Variants in SLC38A1 observed in about 807,000 individuals in gnomAD.
The protein encoded by SLC38A1 is sodium-coupled neutral amino acid symporter 1.
SLC38A1 carries 18 observed loss-of-function variants against 60.3 expected under a neutral mutation model. The observed-to-expected ratio is 0.30, with a 90% CI of 0.21 to 0.44. The LOEUF is 0.44. Among genes scored for constraint, SLC38A1 ranks in the 20% least tolerant of loss-of-function variants. SLC38A1 has a pLI of 1.00. For missense variants in SLC38A1, 448 were observed against 587.2 expected, an observed-to-expected ratio of 0.76 and a Z score of 2.45; for synonymous variants, 196 against 212.1, an observed-to-expected ratio of 0.92 and a Z score of 0.66.
intron 3 of SLC38A1, among the ~76,000 whole-genome samples, chr12:46,230,317 G>T (rs1941026537): frequency 6.6e-6 from 1 of 152,234 alleles, no homozygotes; most frequent in South Asian, 2.1e-4. Context: ...CAGGAGTTCA[G>T]ACTAGGAAAT....
intron 16 of SLC38A1, 144 bp from the exon 17 acceptor site, chr12:46,189,215 G>A: frequency 1.8e-6 from 1 of 568,584 alleles, no homozygotes; most frequent in Non-Finnish European, 3.1e-6. Context: ...TGAACTGTGA[G>A]AATCTTTCTA....
intron 5 of SLC38A1, among the ~76,000 whole-genome samples, chr12:46,223,748 A>G (rs1940754808): frequency 6.6e-6 from 1 of 152,258 alleles, no homozygotes; most frequent in Non-Finnish European, 1.5e-5. Context: ...AGTGTTAATA[A>G]TAAACTGATA....
intron 5 of SLC38A1, among the ~76,000 whole-genome samples, chr12:46,228,647 C>T (rs1940956359): frequency 6.6e-6 from 1 of 152,074 alleles, no homozygotes; most frequent in South Asian, 2.1e-4. Context: ...AAGAAAATTG[C>T]CCATTTTCTT....
chr12:46,255,843 G>C (rs1942001870), intron 1 of SLC38A1, among the ~76,000 whole-genome samples: 5 of 152,232 alleles, frequency 3.3e-5, no homozygotes, highest in Middle Eastern at 6.8e-3. Context: ...CTCCAAAGTA[G>C]CCAAAGTAGG....
chr12:46,230,960 G>A (rs1020987544), intron 3 of SLC38A1, among the ~76,000 whole-genome samples: 7 of 151,974 alleles, frequency 4.6e-5, no homozygotes, highest in African/African-American at 1.7e-4. Context: ...TCTACCCAAA[G>A]GAAAGGAAAC....
intron 1 of SLC38A1, among the ~76,000 whole-genome samples, chr12:46,251,682 G>A (rs941414167): frequency 2.6e-5 from 4 of 152,158 alleles, no homozygotes; most frequent in African/African-American, 7.2e-5. Flanking sequence ...CAAAGGATAT[G>A]AACAGACACT....
intron 5 of SLC38A1, among the ~76,000 whole-genome samples, chr12:46,227,571 A>C (rs1224513163): frequency 6.6e-6 from 1 of 152,206 alleles, no homozygotes; most frequent in African/African-American, 2.4e-5. Context: ...GAGATACAAG[A>C]ATTACTGTTG....
Position 46,226,017 on chromosome 12 carries a change from A to G in SLC38A1, c.314+3136T>C, listed in dbSNP as rs74981113. The stretch of plus-strand genomic sequence containing the variant: ...ACTGATTTGAACAACCCATATGTTT[A>G]AAAACATAACATAATCAAAGCAATT... On this transcript the variant is annotated intron_variant, in intron 5 of 16. Transcript: ENST00000398637. Among the ~76,000 whole-genome samples, 692 of 152,366 alleles carry G rather than the reference A, an allele frequency of 4.5e-3. 8 individuals carry two copies. The highest frequency in any genetic ancestry group is 0.016 in the African/African-American group (663 of 41,582).
intron 1 of SLC38A1, among the ~76,000 whole-genome samples, chr12:46,246,208 C>T (rs146590515): frequency 5.1e-4 from 78 of 152,322 alleles, no homozygotes; most frequent in African/African-American, 1.8e-3. Flanking sequence ...GGGGTGTTGC[C>T]TCACTCAGGA....
intron 3 of SLC38A1, among the ~76,000 whole-genome samples, chr12:46,236,665 A>C (rs1941271179): frequency 1.3e-5 from 2 of 152,196 alleles, no homozygotes; most frequent in African/African-American, 4.8e-5. Flanking sequence ...CCTAGACACT[A>C]GGATAGGCAG....
At position 46,220,232 on chromosome 12, in the gene SLC38A1, C is replaced by T. The variant is rs376903922; in HGVS notation, c.314+8921G>A. On this transcript the variant is annotated intron_variant, in intron 5 of 16. Transcript: ENST00000398637. Reference sequence around the variant, plus strand: ...TAGAGTTCAATGGCACTGCCACTGTCCCTTTTCCATGTATTTCAAATGTTG... The same window carrying T: ...TAGAGTTCAATGGCACTGCCACTGTTCCTTTTCCATGTATTTCAAATGTTG... Among the ~76,000 whole-genome samples the T allele has an allele frequency of 5.6e-4, 86 of 152,344 alleles. 1 individual carries two copies. The highest frequency in any genetic ancestry group is 2.0e-3 in the African/African-American group (82 of 41,576).
chr12:46,265,491 C>G (rs1942324120), intron 1 of SLC38A1, among the ~76,000 whole-genome samples: 1 of 152,130 alleles, frequency 6.6e-6, no homozygotes, highest in South Asian at 2.1e-4. Context: ...CCAATCCACA[C>G]AGATATTGAA....
chr12:46,250,186 C>T (rs560145280), intron 1 of SLC38A1, among the ~76,000 whole-genome samples: 43 of 152,292 alleles, frequency 2.8e-4, no homozygotes, highest in East Asian at 5.8e-4. Flanking sequence ...GTTCAACATA[C>T]GCAAATCAAT....
rs1027519460 is a variant in SLC38A1, at chr12:46,188,534, C to T, written c.*436G>A. 2 of 153,466 alleles carry T rather than the reference C, an allele frequency of 1.3e-5. No individual in the cohort carries two copies. Among genetic ancestry groups the T allele is most frequent in the Non-Finnish European group, 2.9e-5 (2 of 68,656 alleles). The allele number at this position is 153,466 out of a possible 1,614,324, so 9.5% of individuals were successfully genotyped here. Reference sequence around the variant, plus strand: ...TTCTGTAAAGCAAAATAAATATATACAATTCAAGATTCTTTTCTCTTCTAA... The same window carrying T: ...TTCTGTAAAGCAAAATAAATATATATAATTCAAGATTCTTTTCTCTTCTAA... On this transcript the variant is annotated 3_prime_UTR_variant, in exon 17 of 17. Transcript: ENST00000398637.
chr12:46,197,428 A>G, intron 16 of SLC38A1: 1 of 233,956 alleles, frequency 4.3e-6, no homozygotes, highest in Non-Finnish European at 8.2e-6. Flanking sequence ...AATGGCATGA[A>G]CCCGGGAGGC....
intron 1 of SLC38A1, among the ~76,000 whole-genome samples, chr12:46,245,398 C>T (rs1247567159): frequency 6.6e-6 from 1 of 152,114 alleles, no homozygotes; most frequent in Admixed American, 6.6e-5. Flanking sequence ...AATGCAAATC[C>T]ATACTGCAAT....
chr12:46,267,496 A>G (rs2279560), intron 1 of SLC38A1: 110,328 of 152,356 alleles, frequency 0.72, 41,143 homozygotes, highest in African/African-American at 0.91. Flanking sequence ...TGCCTTCTCT[A>G]ACTACAGTTC....
At chr12:46,239,972 G>A in intron 2 of SLC38A1, 79 bp from the exon 3 acceptor site, 1 of 587,840 alleles carries the variant, frequency 1.7e-6, no homozygotes, top group Non-Finnish European at 2.9e-6. Context: ...AAATAAACAA[G>A]TAGTTAATTT....
At chr12:46,222,864 C>A (rs1435197812) in intron 5 of SLC38A1, among the ~76,000 whole-genome samples, 1 of 152,112 alleles carries the variant, frequency 6.6e-6, no homozygotes, top group Non-Finnish European at 1.5e-5. Flanking sequence ...TTGTTGTGAA[C>A]AGGAACCTGA....
Sources: allele counts gnomAD v4.1 joint callset (sites outside exome capture counted in the v4.1 genomes callset), GRCh38; gene constraint gnomAD v4.1.1; transcripts MANE v1.5; gene names NCBI Gene and HGNC (gene_info 2026-07-23, HGNC 2026-07-21).